Variants in ZSCAN20 observed in about 807,000 individuals in gnomAD.
ZSCAN20 encodes zinc finger and SCAN domain-containing protein 20.
In ZSCAN20, 39 loss-of-function variants were observed where a neutral mutation model predicts 97.1. That is an observed-to-expected ratio of 0.40 (90% CI 0.31 to 0.52). ZSCAN20 has a LOEUF of 0.52. Ranked by LOEUF, ZSCAN20 falls within the 20% of genes least tolerant of loss-of-function variation. ZSCAN20 has a pLI of 0.49. For missense variants in ZSCAN20, 1,115 were observed against 1,290.4 expected (o/e 0.86, Z 2.08); for synonymous variants, 456 against 467.3 (o/e 0.98, Z 0.31).
At chr1:33,492,133 C>T (rs533605899) in intron 6 of ZSCAN20, 1 of 156,398 alleles carries the variant, frequency 6.4e-6, no homozygotes, top group East Asian at 1.9e-4. Flanking sequence ...TGGCAGAAAT[C>T]CCGACAGTGT....
intron 2 of ZSCAN20, among the ~76,000 whole-genome samples, chr1:33,482,561 A>G (rs998663579): frequency 6.6e-6 from 1 of 152,328 alleles, no homozygotes; most frequent in African/African-American, 2.4e-5. Flanking sequence ...GTGTGGACCT[A>G]GTTTTCAGTT....
Position 33,488,503 on chromosome 1 carries a change from G to T in ZSCAN20, c.456G>T (p.Lys152Asn). 1 of 1,614,166 alleles carries T rather than the reference G, an allele frequency of 6.2e-7. No homozygotes were observed. Among genetic ancestry groups the T allele is most frequent in the Non-Finnish European group, 8.5e-7 (1 of 1,180,022 alleles). Residue 152 changes from lysine (K) to asparagine (N), a missense_variant, in exon 3 of 8, where the codon AAG (lysine) becomes AAT (asparagine). Physicochemically the swap from Lys to Asn is moderately conservative, Grantham distance 94. Around this residue, in one of 3 missense-constraint regions of ZSCAN20, gnomAD observed 508 missense variants for 611.2 expected, o/e 0.83. Coordinates refer to ENST00000684572, the MANE Select transcript of ZSCAN20 (RefSeq NM_001377376.1). ...ELHTEETRPL[K>N]TGEEAQSFQL... ...ATACAGAAGAGACCAGGCCCTTAAAGACAGGGGAAGAAGCTCAGAGCTTCC... is the reference window on the plus strand; with the variant it reads ...ATACAGAAGAGACCAGGCCCTTAAATACAGGGGAAGAAGCTCAGAGCTTCC...
At chr1:33,489,433 CA>C (rs1408793871) in intron 4 of ZSCAN20, 84 bp from the exon 5 acceptor site, 1 of 1,372,034 alleles carries the variant, frequency 7.3e-7, no homozygotes, top group African/African-American at 1.4e-5. Flanking sequence ...CTGTTCCCAT[CA>C]TCTTTCCTGG....
chr1:33,488,991 T>C, intron 3 of ZSCAN20, 124 bp from the exon 4 acceptor site: 1 of 761,550 alleles, frequency 1.3e-6, no homozygotes, highest in Non-Finnish European at 2.2e-6. Flanking sequence ...AAAGGGGAAG[T>C]CTGCACTGGC....
At chr1:33,490,909 C>T (rs911120200) in intron 5 of ZSCAN20, 116 bp from the exon 6 acceptor site, 15 of 944,914 alleles carry the variant, frequency 1.6e-5, no homozygotes, top group African/African-American at 5.0e-5. Flanking sequence ...ATGGGATCAA[C>T]TTGGGAATTT....
At chr1:33,473,738 G>T (rs930007150) in intron 1 of ZSCAN20, among the ~76,000 whole-genome samples, 1 of 152,002 alleles carries the variant, frequency 6.6e-6, no homozygotes, top group Non-Finnish European at 1.5e-5. Context: ...CCAACCCTCA[G>T]CTCCCATAAC....
chr1:33,482,830 T>A (rs1652204302), intron 2 of ZSCAN20, among the ~76,000 whole-genome samples: 1 of 152,344 alleles, frequency 6.6e-6, no homozygotes, highest in South Asian at 2.1e-4. Flanking sequence ...GTTATACATG[T>A]TTTCATATGT....
In ZSCAN20 at chr1:33,499,670, C is replaced by T. The variant is rs1011725461; in HGVS notation, c.*4194C>T. On this transcript the variant is annotated 3_prime_UTR_variant, in exon 8 of 8. Transcript: ENST00000684572. The stretch of plus-strand genomic sequence containing the variant: ...ACTTTCTCCCTTCTAAGAGCATTTC[C>T]AGTTGGGCTGGAGTTACCCAGCTGC... Among the ~76,000 whole-genome samples, 1 of 152,194 alleles carries T rather than the reference C, an allele frequency of 6.6e-6. No homozygotes were observed. Among genetic ancestry groups the T allele is most frequent in the African/African-American group, 2.4e-5 (1 of 41,430 alleles).
At chr1:33,480,645 A>G (rs1652119270) in intron 2 of ZSCAN20, among the ~76,000 whole-genome samples, 1 of 152,194 alleles carries the variant, frequency 6.6e-6, no homozygotes, top group Admixed American at 6.5e-5. Flanking sequence ...TATCATTGCC[A>G]TTTGCCAAAT....
chr1:33,490,368 T>C (rs1401292292), intron 5 of ZSCAN20, among the ~76,000 whole-genome samples: 4 of 152,176 alleles, frequency 2.6e-5, no homozygotes, highest in Non-Finnish European at 5.9e-5. Flanking sequence ...GGCTTCCTAT[T>C]TTGTTAGGGC....
At chr1:33,479,764 A>T in intron 2 of ZSCAN20, 59 bp downstream of exon 2, 1 of 1,427,110 alleles carries the variant, frequency 7.0e-7, no homozygotes, top group Non-Finnish European at 9.3e-7. Flanking sequence ...CAGGGTTGTG[A>T]CTACGTTAAT....
chr1:33,474,457 T>A (rs921144559), intron 1 of ZSCAN20, among the ~76,000 whole-genome samples: 7 of 152,214 alleles, frequency 4.6e-5, no homozygotes, highest in Admixed American at 3.3e-4. Context: ...CATGACCACG[T>A]TCATACTTAC....
rs985333583 is a variant in ZSCAN20 at position 33,497,541 on chromosome 1, C to G, written c.*2065C>G. Among the ~76,000 whole-genome samples the G allele has an allele frequency of 1.3e-5, 2 of 152,102 alleles. No individual in the cohort carries two copies. The highest frequency in any genetic ancestry group is 2.9e-5 in the Non-Finnish European group (2 of 68,034). ...GTGCTGGAGCAAGGTCACTGAGGAC[C>G]TCACATGTGAATGGAGTGTCAACAC... is the stretch of plus-strand genomic sequence containing the variant. On this transcript the variant is annotated 3_prime_UTR_variant, in exon 8 of 8. Transcript: ENST00000684572.
intron 1 of ZSCAN20, 72 bp from the exon 2 acceptor site, chr1:33,479,107 T>G: frequency 8.2e-6 from 5 of 606,920 alleles, no homozygotes; most frequent in Non-Finnish European, 1.4e-5. Context: ...TGGCGGAAGA[T>G]ATGGGGGAAG....
At chr1:33,480,802 A>G (rs1045560389) in intron 2 of ZSCAN20, among the ~76,000 whole-genome samples, 3 of 152,258 alleles carry the variant, frequency 2.0e-5, no homozygotes, top group African/African-American at 7.2e-5. Context: ...GATATAATGC[A>G]TAATTTTGCT....
intron 2 of ZSCAN20, among the ~76,000 whole-genome samples, chr1:33,485,754 T>C (rs12045441): frequency 0.14 from 21,926 of 152,178 alleles, 2,079 homozygotes; most frequent in East Asian, 0.38. Flanking sequence ...TTGATGTTAT[T>C]AATCTTTTCA....
Position 33,501,492 on chromosome 1 carries a change from G to T in ZSCAN20, c.*6016G>T, listed in dbSNP as rs952075474. On this transcript the variant is annotated 3_prime_UTR_variant, in exon 8 of 8. Coordinates refer to ENST00000684572, the MANE Select transcript of ZSCAN20 (RefSeq NM_001377376.1). Reference sequence around the variant, plus strand: ...TTTGCAATTTGTGGACCAATCCCTGGCTTCATTTTATTTGGCTTTGCTTTC... The same window carrying T: ...TTTGCAATTTGTGGACCAATCCCTGTCTTCATTTTATTTGGCTTTGCTTTC... Among the ~76,000 whole-genome samples, 1 of 150,580 alleles carries T rather than the reference G, an allele frequency of 6.6e-6. No homozygotes were observed. Among genetic ancestry groups the T allele is most frequent in the African/African-American group, 2.4e-5 (1 of 40,862 alleles).
At chr1:33,490,690 A>ACACACACG (rs1557442637) in intron 5 of ZSCAN20, among the ~76,000 whole-genome samples, 1 of 129,758 alleles carries the variant, frequency 7.7e-6, no homozygotes, top group Non-Finnish European at 1.7e-5. Flanking sequence ...CACACCACAC[A>ACACACACG]CCCTTTTCCT....
rs1466096710 is a variant in ZSCAN20, at chr1:33,497,103, G to A, written c.*1627G>A. Among the ~76,000 whole-genome samples the A allele has an allele frequency of 1.3e-5, 2 of 152,192 alleles. No individual in the cohort carries two copies. The highest frequency in any genetic ancestry group is 2.9e-5 in the Non-Finnish European group (2 of 68,038). ...GGGAAGTACCTATCAGATAGTGGAT[G>A]TGAAGCAGCCTTGAAGAATGGAACT... On this transcript the variant is annotated 3_prime_UTR_variant, in exon 8 of 8. Coordinates refer to ENST00000684572, the MANE Select transcript of ZSCAN20 (RefSeq NM_001377376.1).
Sources: allele counts gnomAD v4.1 joint callset (sites outside exome capture counted in the v4.1 genomes callset), GRCh38; gene constraint gnomAD v4.1.1; regional missense constraint gnomAD v4.1.1; transcripts MANE v1.5; gene names NCBI Gene and HGNC (gene_info 2026-07-23, HGNC 2026-07-21).